NKIRAS1: variants seen among roughly 807,000 people sequenced by gnomAD.
NKIRAS1 encodes the protein NFKB inhibitor interacting Ras like 1.
In NKIRAS1, 16 loss-of-function variants were observed where a neutral mutation model predicts 19.8. The ratio of observed to expected loss-of-function variants is 0.81; its 90% CI spans 0.55 to 1.23. The LOEUF is 1.23. Among genes scored for constraint, NKIRAS1 ranks in the 50% most tolerant of loss-of-function variants. The pLI is 0.00. For missense variants in NKIRAS1, 184 were observed against 220.0 expected (o/e 0.84, Z 1.04); for synonymous variants, 88 against 79.0 (o/e 1.11, Z -0.61).
chr3:23,894,777 C>T (rs1701816255), intron 4 of NKIRAS1, among the ~76,000 whole-genome samples: 1 of 152,128 alleles, frequency 6.6e-6, no homozygotes, highest in Non-Finnish European at 1.5e-5. Flanking sequence ...CCAATGGTGT[C>T]CTTCTCTAAA....
At chr3:23,916,999 C>G (rs1371502152), upstream of NKIRAS1, 1 of 152,608 alleles carries the variant, frequency 6.6e-6, no homozygotes, top group African/African-American at 2.4e-5. Flanking sequence ...ATAGCGGCCG[C>G]GGCGCCCCAC....
chr3:23,931,631 G>A (rs553998559), intron 1 of NKIRAS1, among the ~76,000 whole-genome samples: 1 of 151,942 alleles, frequency 6.6e-6, no homozygotes. Context: ...TAAGTTTAAT[G>A]CATTCATTTT....
intron 1 of NKIRAS1, among the ~76,000 whole-genome samples, chr3:23,911,929 A>C (rs889994771): frequency 1.3e-5 from 2 of 151,946 alleles, no homozygotes; most frequent in African/African-American, 4.8e-5. Context: ...TGCCCGGTGA[A>C]ATTTTTGTAT....
chr3:23,946,190 G>A, intron 1 of NKIRAS1: 2 of 985,384 alleles, frequency 2.0e-6, no homozygotes, highest in Non-Finnish European at 2.4e-6. Context: ...CCCCCGCGGC[G>A]GGGCGTCCCC....
intron 1 of NKIRAS1, among the ~76,000 whole-genome samples, chr3:23,924,553 C>T (rs978262283): frequency 3.3e-5 from 5 of 152,152 alleles, no homozygotes; most frequent in Admixed American, 6.6e-5. Flanking sequence ...TACAGGTGTG[C>T]GCCACTACTA....
At chr3:23,915,405 C>G (rs189717520) in intron 1 of NKIRAS1, among the ~76,000 whole-genome samples, 28 of 152,256 alleles carry the variant, frequency 1.8e-4, no homozygotes, top group Non-Finnish European at 3.4e-4. Flanking sequence ...ATTTACAGAC[C>G]TAGTCTGATG....
At chr3:23,930,941 A>C (rs1470313181) in intron 1 of NKIRAS1, among the ~76,000 whole-genome samples, 1 of 146,796 alleles carries the variant, frequency 6.8e-6, no homozygotes, top group Non-Finnish European at 1.5e-5. Context: ...TTGGCCTTCC[A>C]AAGTGCTGGG....
rs1293994598 is a variant in NKIRAS1, at chr3:23,926,649, T to C, written c.-139-15199A>G. Reference sequence around the variant, plus strand: ...GATATTTTAATTGTATAATTACCACTTCCTTTGTCAGGGCGATTTTAGGTT... The same window carrying C: ...GATATTTTAATTGTATAATTACCACCTCCTTTGTCAGGGCGATTTTAGGTT... On this transcript the variant is annotated intron_variant, in intron 1 of 4. Transcript: ENST00000421515. This position sits in a 1 kb window ranked among gnomAD's most constrained non-coding sequence, Gnocchi z 4.3. Among the ~76,000 whole-genome samples, 1 of 152,212 alleles carries C rather than the reference T, an allele frequency of 6.6e-6. No individual in the cohort carries two copies. Among genetic ancestry groups the C allele is most frequent in the East Asian group, 1.9e-4 (1 of 5,200 alleles).
At chr3:23,900,641 CAAAAAA>C (rs57762803) in intron 4 of NKIRAS1, among the ~76,000 whole-genome samples, 161 bp downstream of exon 4, 2 of 114,168 alleles carry the variant, frequency 1.8e-5, no homozygotes, top group African/African-American at 6.7e-5. Flanking sequence ...GACTCCGTCT[CAAAAAA>C]AAAAAAAAAA....
At chr3:23,919,366 G>A (rs1471371877), upstream of NKIRAS1, 2 of 1,602,700 alleles carry the variant, frequency 1.2e-6, no homozygotes, top group Non-Finnish European at 1.7e-6. Context: ...AGCACAGGGA[G>A]ATGCGTGGGC....
At chr3:23,893,798 C>CAAA (rs58905555) in intron 4 of NKIRAS1, among the ~76,000 whole-genome samples, 1 of 81,534 alleles carries the variant, frequency 1.2e-5, no homozygotes, top group Non-Finnish European at 2.3e-5. Flanking sequence ...GACTCCATCT[C>CAAA]AAAAAAAAAA....
chr3:23,918,168 C>G (rs1017106852), upstream of NKIRAS1: 65 of 1,129,916 alleles, frequency 5.8e-5, no homozygotes, highest in Non-Finnish European at 8.1e-5. Context: ...CAACACTGGT[C>G]AGTTACTGTA....
Position 23,890,691 on chromosome 3 carries a change from T to G in NKIRAS1, c.*2404A>C. 8.4e-7 allele frequency: 1 copy of G among 1,186,928 alleles called. No individual in the cohort carries two copies. The highest frequency in any genetic ancestry group is 1.2e-6 in the Non-Finnish European group (1 of 840,952). The allele number at this position is 1,186,928 out of a possible 1,614,324, so 73.5% of individuals were successfully genotyped here. ...TTGAAGGGGTCAGGGAGGGTGGGAGTTGGTAAAGAGTAGGGTATTTCTATA... is the reference window on the plus strand; with the variant it reads ...TTGAAGGGGTCAGGGAGGGTGGGAGGTGGTAAAGAGTAGGGTATTTCTATA... On this transcript the variant is annotated 3_prime_UTR_variant, in exon 5 of 5. Coordinates refer to ENST00000425478, the MANE Select transcript of NKIRAS1 (RefSeq NM_020345.4).
upstream of NKIRAS1, chr3:23,918,298 T>G (rs1210051799): frequency 9.6e-6 from 10 of 1,040,726 alleles, no homozygotes; most frequent in Non-Finnish European, 1.4e-5. Flanking sequence ...TGAAAAAGAC[T>G]GGGATGTGTT....
exon 1 of NKIRAS1, chr3:23,946,505 A>G (rs1705718262): frequency 1.2e-5 from 2 of 161,690 alleles, no homozygotes; most frequent in African/African-American, 2.4e-5. Context: ...TCTGTTTACA[A>G]AAAAAACCGT....
intron 1 of NKIRAS1, among the ~76,000 whole-genome samples, chr3:23,931,601 C>A (rs1312684757): frequency 6.6e-6 from 1 of 152,150 alleles, no homozygotes; most frequent in Non-Finnish European, 1.5e-5. Context: ...ATCTAGCCAC[C>A]TTCCCACCCC....
chr3:23,918,564 G>A, upstream of NKIRAS1: 2 of 1,613,878 alleles, frequency 1.2e-6, no homozygotes, highest in African/African-American at 2.7e-5. Flanking sequence ...GAAGCCTTCA[G>A]TCCGTTGCAG....
Position 23,916,940 on chromosome 3 carries a change from G to A in NKIRAS1, c.-296C>T, listed in dbSNP as rs1008249762. Reference sequence around the variant, plus strand: ...CGCCGCCAACTCTCTCACCTCTCGAGACGCCCAGGCCGCTCAGGCTCGAAT... The same window carrying A: ...CGCCGCCAACTCTCTCACCTCTCGAAACGCCCAGGCCGCTCAGGCTCGAAT... On this transcript the variant is annotated 5_prime_UTR_variant, in exon 1 of 5. Coordinates refer to ENST00000425478, the MANE Select transcript of NKIRAS1 (RefSeq NM_020345.4). 2 of 152,676 alleles carry A rather than the reference G, an allele frequency of 1.3e-5. No homozygotes were observed. The highest frequency in any genetic ancestry group is 4.8e-5 in the African/African-American group (2 of 41,476). 9.5% of individuals were successfully genotyped at this position (152,676 alleles called of 1,614,324 possible).
chr3:23,943,392 C>T (rs1236339239), intron 1 of NKIRAS1, among the ~76,000 whole-genome samples: 3 of 152,174 alleles, frequency 2.0e-5, no homozygotes, highest in Admixed American at 1.3e-4. Context: ...GCCACCACCC[C>T]GGCTAATTTT....
Sources: gnomAD v4.1 joint callset for allele counts (sites outside exome capture counted in the v4.1 genomes callset) on GRCh38, gnomAD v4.1.1 for gene constraint, Gnocchi (gnomAD v3.1) non-coding constraint, MANE v1.5 for transcripts, NCBI Gene and HGNC (gene_info 2026-07-23, HGNC 2026-07-21) for gene names.